Variants in FBXL2 observed in about 807,000 individuals in gnomAD.
The protein encoded by FBXL2 is F-box and leucine rich repeat protein 2.
Under a neutral mutation model 69.2 loss-of-function variants are expected in FBXL2, and 38 were observed. The ratio of observed to expected loss-of-function variants is 0.55; its 90% CI spans 0.42 to 0.72. The LOEUF (loss-of-function observed/expected upper bound fraction) is 0.72. Ranked by LOEUF, FBXL2 falls within the 30% of genes least tolerant of loss-of-function variation. FBXL2 has a pLI of 0.00. For synonymous variants in FBXL2, 192 were observed against 201.3 expected (o/e 0.95, Z 0.39); for missense variants, 354 against 520.3 (o/e 0.68, Z 3.11).
chr3:33,388,944 T>C (rs901977885), downstream of FBXL2: 2 of 152,272 alleles, frequency 1.3e-5, no homozygotes, highest in South Asian at 2.1e-4. Flanking sequence ...AAATAGTACA[T>C]TCAAATCAGG....
rs553209132 is a variant in FBXL2, at chr3:33,401,060, CAT to C, written n.1215-2169_1215-2168del. On this transcript the variant is annotated intron_variant and non_coding_transcript_variant, in intron 12 of 12. Transcript: ENST00000463736. ...GAAGGAAATGATGATTTTTATAATA[CAT>C]ATATGTTTTAATCAAGGCATTAAAA... The C allele has an allele frequency of 1.2e-5, 19 of 1,535,248 alleles. No homozygotes were observed. In the East Asian group the frequency reaches 2.8e-4, roughly 23 times the overall value.
intron 2 of FBXL2, among the ~76,000 whole-genome samples, chr3:33,313,527 C>A (rs141367999): frequency 6.6e-6 from 1 of 152,224 alleles, no homozygotes; most frequent in African/African-American, 2.4e-5. Flanking sequence ...CTTACTGCAA[C>A]CTCAACCTCC....
At chr3:33,405,223 T>C (rs1352480269), downstream of FBXL2, among the ~76,000 whole-genome samples, 1 of 152,068 alleles carries the variant, frequency 6.6e-6, no homozygotes, top group Non-Finnish European at 1.5e-5. Flanking sequence ...CATAAAACTA[T>C]GTCATATTAG....
chr3:33,408,585 G>A (rs562625363), downstream of FBXL2: 1 of 785,506 alleles, frequency 1.3e-6, no homozygotes, highest in East Asian at 2.8e-5. Flanking sequence ...TCAAGACATG[G>A]ACATCAAAAA....
At chr3:33,360,370 T>C (rs2041526043) in intron 4 of FBXL2, among the ~76,000 whole-genome samples, 1 of 152,178 alleles carries the variant, frequency 6.6e-6, no homozygotes, top group South Asian at 2.1e-4. Context: ...TCTAGGTTAC[T>C]TACTGCCTGA....
At chr3:33,341,669 A>G (rs369432891) in intron 2 of FBXL2, among the ~76,000 whole-genome samples, 2 of 151,916 alleles carry the variant, frequency 1.3e-5, no homozygotes, top group African/African-American at 4.8e-5. Flanking sequence ...ATCTCTACTA[A>G]AAATACAAAA....
chr3:33,324,007 C>T (rs2038469958), intron 2 of FBXL2, among the ~76,000 whole-genome samples: 2 of 152,130 alleles, frequency 1.3e-5, no homozygotes, highest in Admixed American at 6.6e-5. Flanking sequence ...TTCTAACTGG[C>T]GTGAGATAGT....
chr3:33,345,524 A>G (rs75796792), intron 2 of FBXL2, among the ~76,000 whole-genome samples: 2,944 of 152,302 alleles, frequency 0.019, 90 homozygotes, highest in African/African-American at 0.067. Flanking sequence ...GAAATCCTGA[A>G]GAATATACAG....
chr3:33,347,559 T>G (rs980316914), intron 2 of FBXL2, among the ~76,000 whole-genome samples: 16 of 152,174 alleles, frequency 1.1e-4, no homozygotes, highest in African/African-American at 3.6e-4. Flanking sequence ...CTGGATCATA[T>G]GGGAGCTCTG....
At chr3:33,376,725 G>A (rs1265039169) in intron 10 of FBXL2, among the ~76,000 whole-genome samples, 3 of 152,198 alleles carry the variant, frequency 2.0e-5, no homozygotes. Flanking sequence ...ACAAGGCTGG[G>A]CATGGTGGCT....
the FBXL2 span, among the ~76,000 whole-genome samples, chr3:33,418,997 C>T: frequency 6.6e-6 from 1 of 152,110 alleles, no homozygotes; most frequent in South Asian, 2.1e-4. Context: ...AGACAACTTC[C>T]ATTAGAGAAA....
At chr3:33,336,200 T>C (rs1334927086) in intron 2 of FBXL2, among the ~76,000 whole-genome samples, 1 of 152,210 alleles carries the variant, frequency 6.6e-6, no homozygotes, top group Non-Finnish European at 1.5e-5. Flanking sequence ...AGGCATATTA[T>C]AAAACTGCAG....
At chr3:33,400,247 CTG>C (rs1461696759) in intron 12 of FBXL2, 3 of 1,600,376 alleles carry the variant, frequency 1.9e-6, no homozygotes, top group Non-Finnish European at 2.6e-6. Context: ...GCAGCCATTG[CTG>C]TGTTTCCTGG....
chr3:33,339,224 A>G (rs998303954), intron 2 of FBXL2, among the ~76,000 whole-genome samples: 2 of 152,204 alleles, frequency 1.3e-5, no homozygotes, highest in Non-Finnish European at 2.9e-5. Flanking sequence ...CAAAACCACA[A>G]TGAGATACCA....
intron 2 of FBXL2, 35 bp from the exon 3 acceptor site, chr3:33,358,932 C>T: frequency 7.5e-7 from 1 of 1,326,444 alleles, no homozygotes. Context: ...ATGTTAACAC[C>T]ATCTCGTTTT....
chr3:33,403,584 G>GTCTGTCTATCTATCTATCTA (rs60697427), exon 13 of FBXL2: 17 of 148,994 alleles, frequency 1.1e-4, no homozygotes, highest in African/African-American at 4.3e-4. Flanking sequence ...CTGTCTGTCT[G>GTCTGTCTATCTATCTATCTA]TCTATCTATC....
chr3:33,411,555 G>A, the FBXL2 span: 1 of 1,595,472 alleles, frequency 6.3e-7, no homozygotes, highest in Non-Finnish European at 8.6e-7. Context: ...AGGTTAGTAA[G>A]CTTCTAATAA....
the FBXL2 span, chr3:33,416,933 A>AATGAT: frequency 9.9e-7 from 1 of 1,010,034 alleles, no homozygotes; most frequent in African/African-American, 1.6e-5. Flanking sequence ...TACATTACAC[A>AATGAT]ATGATAGTTT....
chr3:33,367,811 C>G (rs1192843755), intron 5 of FBXL2, among the ~76,000 whole-genome samples: 2 of 152,022 alleles, frequency 1.3e-5, no homozygotes, highest in South Asian at 2.1e-4. Context: ...AAGCTGAAGT[C>G]ATTGGTTTGA....
Sources: gnomAD v4.1 joint callset for allele counts (sites outside exome capture counted in the v4.1 genomes callset) on GRCh38, gnomAD v4.1.1 for gene constraint, MANE v1.5 for transcripts, NCBI Gene and HGNC (gene_info 2026-07-23, HGNC 2026-07-21) for gene names.